Variants in PIGU observed in about 807,000 individuals in gnomAD.
The protein encoded by PIGU is GPI-anchor transamidase component PIGU.
PIGU carries 24 observed loss-of-function variants against 49.9 expected under a neutral mutation model. The ratio of observed to expected loss-of-function variants is 0.48; its 90% CI spans 0.35 to 0.68. The LOEUF is 0.68. Ranked by LOEUF, PIGU falls within the 30% of genes least tolerant of loss-of-function variation. The probability of loss-of-function intolerance (pLI) is 0.01; values close to 1 mark genes in which losing one functional copy is unlikely to be tolerated. For missense variants in PIGU, 490 were observed against 532.6 expected (o/e 0.92, Z 0.79); for synonymous variants, 220 against 205.7 (o/e 1.07, Z -0.59).
intron 10 of PIGU, among the ~76,000 whole-genome samples, chr20:34,576,499 C>T (rs112403854): frequency 2.0e-5 from 3 of 152,296 alleles, no homozygotes; most frequent in African/African-American, 7.2e-5. Flanking sequence ...CACCCAGAGG[C>T]CCCCTGCATT....
At chr20:34,588,638 G>A in intron 7 of PIGU, 31 bp from the exon 8 acceptor site, 1 of 1,598,380 alleles carries the variant, frequency 6.3e-7, no homozygotes, top group Non-Finnish European at 8.5e-7. Context: ...TATAAACTTA[G>A]GGATGTAAAC....
intron 7 of PIGU, among the ~76,000 whole-genome samples, chr20:34,605,261 A>G (rs553210724): frequency 1.3e-5 from 2 of 152,322 alleles, no homozygotes; most frequent in South Asian, 2.1e-4. Flanking sequence ...GTGATTCACC[A>G]GGGAGCCAGA....
chr20:34,585,858 CCT>C (rs772669247), intron 8 of PIGU, among the ~76,000 whole-genome samples: 4 of 152,186 alleles, frequency 2.6e-5, no homozygotes, highest in Non-Finnish European at 5.9e-5. Flanking sequence ...GAGACTCACC[CCT>C]GTTTTACTGC....
At chr20:34,674,701 C>T (rs1987438420) in intron 1 of PIGU, among the ~76,000 whole-genome samples, 1 of 151,874 alleles carries the variant, frequency 6.6e-6, no homozygotes, top group Non-Finnish European at 1.5e-5. Flanking sequence ...CCCAGATGGG[C>T]GGATCACTTG....
In PIGU at chr20:34,565,557, C is replaced by T. The variant is rs978178757; in HGVS notation, c.1195-4578G>A. 2.6e-5 allele frequency among the ~76,000 whole-genome samples: 4 copies of T among 151,900 alleles called. 1 individual carries two copies. Among genetic ancestry groups the T allele is most frequent in the Non-Finnish European group, 4.4e-5 (3 of 67,952 alleles). On this transcript the variant is annotated intron_variant, in intron 11 of 11. Transcript: ENST00000217446. The stretch of plus-strand genomic sequence containing the variant: ...ACAGGCATGAGCCACCGCGCCCGGC[C>T]GGGCTCCTCTAGTCTTTGTGCCAGT...
chr20:34,582,988 T>C (rs1041669707), intron 9 of PIGU, among the ~76,000 whole-genome samples: 1 of 152,192 alleles, frequency 6.6e-6, no homozygotes, highest in Non-Finnish European at 1.5e-5. Context: ...CATGGCCTAC[T>C]TCTGCACAGT....
chr20:34,577,594 T>C (rs1054296786), intron 10 of PIGU, among the ~76,000 whole-genome samples: 1 of 152,112 alleles, frequency 6.6e-6, no homozygotes, highest in East Asian at 1.9e-4. Context: ...CGGGTGCCTA[T>C]AATCCCAGCT....
At chr20:34,665,446 G>A (rs1438800805) in intron 1 of PIGU, among the ~76,000 whole-genome samples, 5 of 151,008 alleles carry the variant, frequency 3.3e-5, no homozygotes, top group Non-Finnish European at 4.4e-5. Context: ...CTCGTGATCC[G>A]CCCGCCTCGG....
intron 5 of PIGU, among the ~76,000 whole-genome samples, chr20:34,637,571 T>C (rs1468892360): frequency 2.0e-5 from 3 of 152,156 alleles, no homozygotes; most frequent in Admixed American, 6.5e-5. Flanking sequence ...TACATCACAA[T>C]TGAAGAACTT....
intron 11 of PIGU, among the ~76,000 whole-genome samples, chr20:34,570,560 G>A (rs1335054423): frequency 2.0e-5 from 3 of 152,082 alleles, no homozygotes; most frequent in Admixed American, 6.6e-5. Context: ...GACTACAGGC[G>A]CGTGCCACCA....
intron 1 of PIGU, among the ~76,000 whole-genome samples, chr20:34,671,722 C>T (rs1028694724): frequency 6.6e-6 from 1 of 151,896 alleles, no homozygotes; most frequent in Non-Finnish European, 1.5e-5. Context: ...GAGTTTGAGA[C>T]CAGACTGACT....
intron 7 of PIGU, among the ~76,000 whole-genome samples, chr20:34,604,610 T>C (rs924199163): frequency 5.9e-5 from 9 of 152,128 alleles, no homozygotes; most frequent in African/African-American, 1.9e-4. Context: ...CACCTGGACA[T>C]AGCAGAAATA....
intron 11 of PIGU, among the ~76,000 whole-genome samples, chr20:34,567,368 G>T (rs1035439730): frequency 1.4e-4 from 21 of 152,158 alleles, no homozygotes; most frequent in Non-Finnish European, 2.5e-4. Flanking sequence ...TCAGTGTCAG[G>T]GTCTGAGAGG....
At chr20:34,647,266 C>CG (rs1273801228) in intron 2 of PIGU, among the ~76,000 whole-genome samples, 2 of 150,702 alleles carry the variant, frequency 1.3e-5, no homozygotes, top group Non-Finnish European at 3.0e-5. Flanking sequence ...CCACCGTGCC[C>CG]GGCCGTTTTT....
chr20:34,590,577 G>GTAACATAACATAACATAACATAACA (rs10544376), intron 7 of PIGU, among the ~76,000 whole-genome samples: 42 of 140,638 alleles, frequency 3.0e-4, no homozygotes, highest in African/African-American at 5.4e-4. Flanking sequence ...ATAGCGTAAC[G>GTAACATAACATAACATAACATAACA]TAACATAACA....
At chr20:34,587,093 C>G (rs1447941595) in intron 8 of PIGU, among the ~76,000 whole-genome samples, 1 of 152,186 alleles carries the variant, frequency 6.6e-6, no homozygotes, top group Non-Finnish European at 1.5e-5. Context: ...AGTGTGTTCC[C>G]TAAACCAGCA....
At chr20:34,610,127 C>T (rs541476291) in intron 7 of PIGU, among the ~76,000 whole-genome samples, 11 of 152,242 alleles carry the variant, frequency 7.2e-5, no homozygotes, top group South Asian at 2.1e-4. Context: ...TGGAAGCATT[C>T]CCTTTGAAAA....
At chr20:34,641,719 G>A (rs888416342) in intron 4 of PIGU, among the ~76,000 whole-genome samples, 3 of 152,090 alleles carry the variant, frequency 2.0e-5, no homozygotes, top group Admixed American at 2.0e-4. Context: ...ATACTTCCCA[G>A]ACTATGCGAT....
chr20:34,589,716 C>T (rs902685503), intron 7 of PIGU, among the ~76,000 whole-genome samples: 5 of 128,386 alleles, frequency 3.9e-5, no homozygotes, highest in Non-Finnish European at 6.2e-5. Flanking sequence ...AGTGCTACGG[C>T]GTGATCTCGG....
Sources: allele counts gnomAD v4.1 joint callset (sites outside exome capture counted in the v4.1 genomes callset), GRCh38; gene constraint gnomAD v4.1.1; transcripts MANE v1.5; gene names NCBI Gene and HGNC (gene_info 2026-07-23, HGNC 2026-07-21).